The following DNAJC2 variants were observed in gnomAD, a reference collection of about 807,000 sequenced individuals.
DNAJC2 encodes DnaJ heat shock protein family (Hsp40) member C2.
A neutral mutation model predicts 94.0 loss-of-function variants in DNAJC2; 32 were observed. The ratio of observed to expected loss-of-function variants is 0.34; its 90% confidence interval spans 0.26 to 0.46. The LOEUF is 0.46. Among genes scored for constraint, DNAJC2 ranks in the 20% least tolerant of loss-of-function variants. DNAJC2 has a pLI of 1.00. For missense variants in DNAJC2, 550 were observed against 719.5 expected, an observed-to-expected ratio of 0.76 and a Z score of 2.69; for synonymous variants, 210 against 229.7, an observed-to-expected ratio of 0.91 and a Z score of 0.77.
intron 1 of DNAJC2, among the ~76,000 whole-genome samples, chr7:103,342,308 C>CT (rs201599023): frequency 0.041 from 5,796 of 143,020 alleles, 128 homozygotes; most frequent in African/African-American, 0.043. Flanking sequence ...TATTTTTTTA[C>CT]TTTTTTTTTT....
At chr7:103,342,101 A>G (rs1451582853) in intron 1 of DNAJC2, 147 bp from the exon 2 acceptor site, 1 of 523,788 alleles carries the variant, frequency 1.9e-6, no homozygotes, top group East Asian at 3.3e-5. Context: ...AATTGCAGTC[A>G]TCCAGTTTAC....
At position 103,316,397 on chromosome 7, in the gene DNAJC2, A is replaced by G. The variant is rs1002134085; in HGVS notation, c.1428-309T>C. 6 of 230,472 alleles carry G rather than the reference A, an allele frequency of 2.6e-5. No individual in the cohort carries two copies. The East Asian group carries it at 3.8e-4, about 15-fold the overall frequency. The allele number at this position is 230,472 out of a possible 1,614,324, so 14.3% of individuals were successfully genotyped here. ...TTTAATACATTTCTTCAGAAGATCA[A>G]TCATTCTGAAAACAGCCTCGGTTTC... On this transcript the variant is annotated intron_variant, in intron 13 of 16. Transcript: ENST00000379263.
At position 103,325,471 on chromosome 7, in the gene DNAJC2, A is replaced by G. The variant is rs544003017; in HGVS notation, c.573-909T>C. Among the ~76,000 whole-genome samples, 12 of 151,930 alleles carry G rather than the reference A, an allele frequency of 7.9e-5. No homozygotes were observed. The East Asian group carries it at 2.3e-3, about 29-fold the overall frequency. On this transcript the variant is annotated intron_variant, in intron 5 of 16. Coordinates refer to ENST00000379263, the MANE Select transcript of DNAJC2 (RefSeq NM_014377.3). ...AAGGAAAAAAAAAAAACCAAAAAAC[A>G]GGTGAAATCCAAGGGAGAAAGGATG...
At chr7:103,318,239 C>T (rs1383615112) in intron 12 of DNAJC2, among the ~76,000 whole-genome samples, 4 of 152,060 alleles carry the variant, frequency 2.6e-5, no homozygotes. Context: ...GATCATAGCT[C>T]ACTGCAGCTG....
At position 103,327,691 on chromosome 7, in the gene DNAJC2, T is replaced by C. The variant is rs774498706; in HGVS notation, c.395A>G (p.Glu132Gly). 32 of 1,613,246 alleles carry C rather than the reference T, an allele frequency of 2.0e-5. No individual in the cohort carries two copies. Among genetic ancestry groups the C allele is most frequent in the Non-Finnish European group, 2.5e-5 (30 of 1,179,572 alleles). ...KRKAAGEPIK[E>G]GDNDYFTCIT... ...GCAAGTGAAGTAGTCATTATCTCCTTCTTTTATTGGTTCACCAGCTGCTTT... is the reference window on the plus strand; with the variant it reads ...GCAAGTGAAGTAGTCATTATCTCCTCCTTTTATTGGTTCACCAGCTGCTTT... The change falls in exon 4 of 17, where the codon GAA becomes GGA. Residue 132 changes from glutamate to glycine, a missense_variant. Glu to Gly is a moderately conservative substitution (Grantham distance 98). This residue lies in a region of DNAJC2 where 279 missense variants were observed against 416.9 expected (regional missense o/e 0.67). Coordinates refer to ENST00000379263, the MANE Select transcript of DNAJC2 (RefSeq NM_014377.3).
intron 16 of DNAJC2, 109 bp from the exon 17 acceptor site, chr7:103,312,752 A>G (rs572755279): frequency 2.6e-6 from 4 of 1,530,292 alleles, no homozygotes; most frequent in Non-Finnish European, 3.5e-6. Context: ...AGTACTAAAT[A>G]TACTGATTTC....
intron 1 of DNAJC2, 70 bp downstream of exon 1, chr7:103,344,489 G>A: frequency 6.4e-7 from 1 of 1,568,676 alleles, no homozygotes; most frequent in East Asian, 2.2e-5. Flanking sequence ...AGAGCCCAGG[G>A]TTGCCGAGGC....
At chr7:103,320,962 C>G (rs1818372926) in intron 10 of DNAJC2, 1 of 153,370 alleles carries the variant, frequency 6.5e-6, no homozygotes, top group African/African-American at 2.4e-5. Context: ...CTTTGGGAGT[C>G]CAAGGCAGGG....
chr7:103,315,380 T>C (rs981787005), intron 15 of DNAJC2, among the ~76,000 whole-genome samples: 1 of 152,190 alleles, frequency 6.6e-6, no homozygotes, highest in Non-Finnish European at 1.5e-5. Flanking sequence ...TGATGCCTCT[T>C]TATTCCTTAA....
intron 3 of DNAJC2, chr7:103,336,698 G>T (rs903533776): frequency 1.3e-5 from 2 of 152,202 alleles, no homozygotes; most frequent in African/African-American, 4.8e-5. Flanking sequence ...CGTGGCAAAT[G>T]GACTTTTCTG....
chr7:103,337,957 G>C (rs1043943539), intron 2 of DNAJC2, 146 bp from the exon 3 acceptor site: 1 of 622,578 alleles, frequency 1.6e-6, no homozygotes, highest in Non-Finnish European at 2.8e-6. Context: ...AGGGTCTATG[G>C]TCAGGTAAGG....
intron 1 of DNAJC2, among the ~76,000 whole-genome samples, chr7:103,342,669 C>T (rs1819423444): frequency 1.3e-5 from 2 of 148,986 alleles, no homozygotes; most frequent in Non-Finnish European, 3.0e-5. Context: ...AGTGCAATGG[C>T]GCGATCTTGG....
At chr7:103,329,074 C>A in intron 3 of DNAJC2, 1 of 997,628 alleles carries the variant, frequency 1.0e-6, no homozygotes, top group Non-Finnish European at 1.3e-6. Context: ...TTGTGATTAT[C>A]GCTGGTGGTC....
At chr7:103,314,606 T>C (rs1563453722) in intron 15 of DNAJC2, 1 of 985,414 alleles carries the variant, frequency 1.0e-6, no homozygotes, top group East Asian at 1.1e-4. Context: ...AACTCCTTTA[T>C]AAAGAAGTGT....
At chr7:103,323,291 T>A (rs1818522398) in intron 7 of DNAJC2, among the ~76,000 whole-genome samples, 2 of 151,720 alleles carry the variant, frequency 1.3e-5, no homozygotes, top group Non-Finnish European at 2.9e-5. Flanking sequence ...GTCAAAAGCA[T>A]TTCTGCACAC....
At chr7:103,320,637 G>T (rs936864397) in intron 10 of DNAJC2, among the ~76,000 whole-genome samples, 3 of 150,826 alleles carry the variant, frequency 2.0e-5, no homozygotes, top group Non-Finnish European at 4.4e-5. Context: ...CCAGCTACTC[G>T]GGAGGCTGAG....
rs1389351669 is a variant in DNAJC2, at chr7:103,312,586, T to C, written c.1849A>G (p.Ser617Gly). 6.2e-7 allele frequency: 1 copy of C among 1,613,268 alleles called. No individual in the cohort carries two copies. The highest frequency in any genetic ancestry group is 1.3e-5 in the African/African-American group (1 of 75,046). ...KAAQEQVLNASRAKK is the reference protein window; with the variant it reads ...KAAQEQVLNAGRAKK The stretch of plus-strand genomic sequence containing the variant: ...AAAGATTGTCATTTCTTGGCTCTAC[T>C]TGCATTCAGCACTTGTTCTTGAGCA... Residue 617 changes from serine (S) to glycine (G), a missense_variant, in exon 17 of 17, where the codon AGT (serine) becomes GGT (glycine). Physicochemically the swap from Ser to Gly is moderately conservative, Grantham distance 56 (BLOSUM62 0). Around this residue, in one of 2 missense-constraint regions of DNAJC2, gnomAD observed 271 missense variants for 302.6 expected, o/e 0.90. Transcript: ENST00000379263.
chr7:103,337,778 G>A lies in DNAJC2; in HGVS notation c.289C>T (p.His97Tyr), dbSNP rs779171668. ...CTCTGTGTAGCCTTGTATCTCACATGGCCAAGTCCAAGAACTGCATAATGA... is the reference window on the plus strand; with the variant it reads ...CTCTGTGTAGCCTTGTATCTCACATAGCCAAGTCCAAGAACTGCATAATGA... ...QDHYAVLGLG[H>Y]VRYKATQRQI... Residue 97 changes from histidine (H) to tyrosine (Y), a missense_variant, in exon 3 of 17, where the codon CAT (histidine) becomes TAT (tyrosine). By Grantham distance (83) the His-to-Tyr change is moderately conservative. Coordinates refer to ENST00000379263, the MANE Select transcript of DNAJC2 (RefSeq NM_014377.3). The A allele has an allele frequency of 1.2e-6, 2 of 1,613,444 alleles. No individual in the cohort carries two copies. Among genetic ancestry groups the A allele is most frequent in the Non-Finnish European group, 1.7e-6 (2 of 1,179,856 alleles).
At chr7:103,320,530 G>T (rs1818327939) in intron 10 of DNAJC2, among the ~76,000 whole-genome samples, 1 of 151,822 alleles carries the variant, frequency 6.6e-6, no homozygotes, top group African/African-American at 2.4e-5. Flanking sequence ...GGAGGCCGAG[G>T]CAGGCGGATC....
Sources: gnomAD v4.1 joint callset for allele counts (sites outside exome capture counted in the v4.1 genomes callset) on GRCh38, gnomAD v4.1.1 for gene constraint, gnomAD v4.1.1 regional missense constraint, MANE v1.5 for transcripts, NCBI Gene and HGNC (gene_info 2026-07-23, HGNC 2026-07-21) for gene names.